CLVS1: variants seen among roughly 807,000 people sequenced by gnomAD.
CLVS1 encodes the protein clavesin-1.
A neutral mutation model predicts 33.1 loss-of-function variants in CLVS1; 10 were observed. The ratio of observed to expected loss-of-function variants is 0.30; its 90% CI spans 0.19 to 0.51. The LOEUF is 0.51. Among genes scored for constraint, CLVS1 ranks in the 20% least tolerant of loss-of-function variants. The probability of loss-of-function intolerance (pLI) is 0.97; values close to 1 mark genes in which losing one functional copy is unlikely to be tolerated. For synonymous variants in CLVS1, 163 were observed against 166.1 expected (o/e 0.98, Z 0.14); for missense variants, 343 against 433.4 (o/e 0.79, Z 1.85).
chr8:61,186,328 G>A (rs964694486), intron 2 of CLVS1, among the ~76,000 whole-genome samples: 5 of 152,178 alleles, frequency 3.3e-5, no homozygotes, highest in African/African-American at 1.2e-4. Flanking sequence ...CTGGTCAGGG[G>A]CACATAATGA....
At chr8:61,097,924 C>T (rs2129285857) in intron 1 of CLVS1, among the ~76,000 whole-genome samples, 1 of 152,216 alleles carries the variant, frequency 6.6e-6, no homozygotes, top group South Asian at 2.1e-4. Context: ...AAAGTTCTTC[C>T]AGAAAGGCTA....
At chr8:60,984,585 C>G in the CLVS1 span, among the ~76,000 whole-genome samples, 3 of 152,166 alleles carry the variant, frequency 2.0e-5, no homozygotes, top group Non-Finnish European at 4.4e-5. Flanking sequence ...ACCTCAGCCT[C>G]CCAAAGTGCT....
intron 3 of CLVS1, among the ~76,000 whole-genome samples, chr8:61,398,181 C>CT (rs545959573): frequency 0.022 from 2,722 of 125,894 alleles, 45 homozygotes; most frequent in East Asian, 0.065. Flanking sequence ...ATAAGCTTTA[C>CT]TTTTTTTTTT....
the CLVS1 span, among the ~76,000 whole-genome samples, chr8:61,033,162 A>AG: frequency 4.7e-4 from 5 of 10,610 alleles, no homozygotes; most frequent in East Asian, 4.9e-3. Context: ...AAAGAAAGAA[A>AG]AAGAAAGAAA....
At chr8:61,000,842 G>A in the CLVS1 span, among the ~76,000 whole-genome samples, 1 of 152,128 alleles carries the variant, frequency 6.6e-6, no homozygotes, top group Non-Finnish European at 1.5e-5. Flanking sequence ...GAGGTATTTG[G>A]CAAGTGATTG....
At chr8:61,034,200 T>A in the CLVS1 span, among the ~76,000 whole-genome samples, 1 of 152,232 alleles carries the variant, frequency 6.6e-6, no homozygotes, top group Non-Finnish European at 1.5e-5. Flanking sequence ...AGCCACCAAC[T>A]AACAGGTTAA....
At chr8:61,118,950 C>G (rs944729919) in intron 1 of CLVS1, among the ~76,000 whole-genome samples, 26 of 152,082 alleles carry the variant, frequency 1.7e-4, no homozygotes, top group African/African-American at 2.6e-4. Context: ...TCTCGTTGAT[C>G]TGTCTAATGT....
At chr8:61,294,277 C>A (rs993866070) in intron 1 of CLVS1, among the ~76,000 whole-genome samples, 2 of 152,034 alleles carry the variant, frequency 1.3e-5, no homozygotes, top group African/African-American at 4.8e-5. Context: ...GTTCTTTCAG[C>A]CATATCTAAA....
At chr8:61,060,124 T>C (rs1804558532) in intron 1 of CLVS1, among the ~76,000 whole-genome samples, 1 of 152,146 alleles carries the variant, frequency 6.6e-6, no homozygotes, top group African/African-American at 2.4e-5. Flanking sequence ...TAAAAAAGTT[T>C]TGGAGTGTCT....
chr8:61,040,609 A>C, the CLVS1 span, among the ~76,000 whole-genome samples: 1 of 151,674 alleles, frequency 6.6e-6, no homozygotes, highest in African/African-American at 2.4e-5. Flanking sequence ...CATTTTTTTC[A>C]TATGTTTGTT....
At chr8:61,179,350 T>C (rs1490380639) in intron 2 of CLVS1, among the ~76,000 whole-genome samples, 1 of 152,268 alleles carries the variant, frequency 6.6e-6, no homozygotes, top group Non-Finnish European at 1.5e-5. Context: ...AACAAGTTCT[T>C]AGAGACCTAC....
intron 2 of CLVS1, among the ~76,000 whole-genome samples, chr8:61,136,645 T>G (rs540836330): frequency 1.3e-5 from 2 of 152,222 alleles, no homozygotes; most frequent in East Asian, 3.9e-4. Flanking sequence ...AGAACACACA[T>G]GGACACATAG....
chr8:60,986,611 GA>G, the CLVS1 span, among the ~76,000 whole-genome samples: 1 of 152,236 alleles, frequency 6.6e-6, no homozygotes, highest in African/African-American at 2.4e-5. Context: ...CGGAAGATTA[GA>G]ATTTATGTAA....
chr8:61,386,766 G>A (rs1814102022), intron 3 of CLVS1, among the ~76,000 whole-genome samples: 1 of 152,170 alleles, frequency 6.6e-6, no homozygotes. Flanking sequence ...TGATGGTAAT[G>A]ATGATCATGA....
Position 61,384,559 on chromosome 8 carries a change from A to G in CLVS1, c.630+7780A>G, listed in dbSNP as rs180710727. On this transcript the variant is annotated intron_variant, in intron 3 of 5. Transcript: ENST00000325897. Reference sequence around the variant, plus strand: ...GAAGGTCAGATGTGAAGCTAAGGTGAAGGGTGAATGGTGATGCCGACTGGT... The same window carrying G: ...GAAGGTCAGATGTGAAGCTAAGGTGGAGGGTGAATGGTGATGCCGACTGGT... Among the ~76,000 whole-genome samples the G allele has an allele frequency of 3.8e-3, 586 of 152,232 alleles. 1 individual carries two copies. The highest frequency in any genetic ancestry group is 6.8e-3 in the Middle Eastern group (2 of 294).
chr8:61,068,856 G>A (rs1804734965), intron 1 of CLVS1, among the ~76,000 whole-genome samples: 1 of 152,120 alleles, frequency 6.6e-6, no homozygotes, highest in African/African-American at 2.4e-5. Flanking sequence ...TCCTACCGAT[G>A]CCCCCTCTGC....
intron 3 of CLVS1, among the ~76,000 whole-genome samples, chr8:61,400,397 T>C (rs1437660673): frequency 6.6e-6 from 1 of 152,228 alleles, no homozygotes; most frequent in African/African-American, 2.4e-5. Flanking sequence ...CCTGAGATTT[T>C]GGTGAAGTTG....
intron 2 of CLVS1, among the ~76,000 whole-genome samples, chr8:61,178,560 T>A: frequency 6.6e-6 from 1 of 151,684 alleles, no homozygotes; most frequent in African/African-American, 2.4e-5. Context: ...TTCTCCACGG[T>A]TGAAATGAAG....
At chr8:61,014,085 G>GTT in the CLVS1 span, among the ~76,000 whole-genome samples, 343 of 126,800 alleles carry the variant, frequency 2.7e-3, no homozygotes, top group South Asian at 5.0e-3. Context: ...ACTTTTTAGT[G>GTT]TTTTTTTTTT....
Sources: allele counts gnomAD v4.1 joint callset (sites outside exome capture counted in the v4.1 genomes callset), GRCh38; gene constraint gnomAD v4.1.1; transcripts MANE v1.5; gene names NCBI Gene and HGNC (gene_info 2026-07-23, HGNC 2026-07-21).